Variants in SV2C observed in about 807,000 individuals in gnomAD.
The protein encoded by SV2C is synaptic vesicle glycoprotein 2C, also known as solute carrier family 22 member B3.
Under a neutral mutation model 79.7 loss-of-function variants are expected in SV2C, and 49 were observed. The observed-to-expected ratio is 0.61, with a 90% confidence interval of 0.49 to 0.78. The LOEUF (loss-of-function observed/expected upper bound fraction) is 0.78. Ranked by LOEUF, SV2C falls within the 30% of genes least tolerant of loss-of-function variation. The pLI is 0.00. For missense variants in SV2C, 833 were observed against 912.9 expected (o/e 0.91, Z 1.13); for synonymous variants, 334 against 333.2 (o/e 1.00, Z -0.03).
At chr5:76,225,874 TG>T (rs1328412010) in intron 4 of SV2C, among the ~76,000 whole-genome samples, 1 of 152,214 alleles carries the variant, frequency 6.6e-6, no homozygotes, top group Non-Finnish European at 1.5e-5. Context: ...CACTACATTT[TG>T]GGTTTGGCAA....
the SV2C span, among the ~76,000 whole-genome samples, chr5:75,919,598 T>C: frequency 6.6e-6 from 1 of 152,208 alleles, no homozygotes; most frequent in Non-Finnish European, 1.5e-5. Flanking sequence ...AATCCTAAAT[T>C]ATTTTATCAT....
the SV2C span, among the ~76,000 whole-genome samples, chr5:76,050,867 T>C: frequency 5.9e-5 from 9 of 152,208 alleles, no homozygotes; most frequent in African/African-American, 2.2e-4. Context: ...CAAATATAGA[T>C]AAGTTACTTT....
chr5:76,015,305 T>TGAACAAAAAATAAAGCC, the SV2C span, among the ~76,000 whole-genome samples: 18 of 122,514 alleles, frequency 1.5e-4, no homozygotes, highest in African/African-American at 4.2e-4. Context: ...ACATGTAGCA[T>TGAACAAAAAATAAAGCC]GAACAAAAAA....
the SV2C span, among the ~76,000 whole-genome samples, chr5:75,882,429 C>T: frequency 6.6e-6 from 1 of 150,680 alleles, no homozygotes; most frequent in African/African-American, 2.5e-5. Flanking sequence ...CAAAAAAGAG[C>T]CTGCATCGCC....
At chr5:75,877,940 G>GAAA in the SV2C span, among the ~76,000 whole-genome samples, 31 of 121,414 alleles carry the variant, frequency 2.6e-4, no homozygotes, top group South Asian at 2.8e-3. Flanking sequence ...GGGAGTGATA[G>GAAA]AAAAAAAAAA....
At chr5:76,053,128 G>A in the SV2C span, among the ~76,000 whole-genome samples, 1 of 146,450 alleles carries the variant, frequency 6.8e-6, no homozygotes, top group Non-Finnish European at 1.5e-5. Context: ...AAAAAAAAGA[G>A]TAGAATACTC....
At chr5:76,168,682 T>A (rs1223982776) in intron 2 of SV2C, among the ~76,000 whole-genome samples, 1 of 152,186 alleles carries the variant, frequency 6.6e-6, no homozygotes, top group Non-Finnish European at 1.5e-5. Flanking sequence ...AGCCCTTACT[T>A]CTCTCTTAAA....
At chr5:75,944,284 C>T in the SV2C span, among the ~76,000 whole-genome samples, 5 of 152,178 alleles carry the variant, frequency 3.3e-5, no homozygotes, top group Admixed American at 6.5e-5. Flanking sequence ...ATGAATGTAG[C>T]ATAACTTACC....
At chr5:76,245,026 A>G (rs1015757470) in intron 4 of SV2C, among the ~76,000 whole-genome samples, 1 of 152,242 alleles carries the variant, frequency 6.6e-6, no homozygotes, top group Non-Finnish European at 1.5e-5. Context: ...TTTATATGTC[A>G]GCTTTTCTAG....
the SV2C span, among the ~76,000 whole-genome samples, chr5:75,924,819 C>T: frequency 7.3e-5 from 11 of 151,224 alleles, 1 homozygote; most frequent in African/African-American, 2.4e-4. Flanking sequence ...TAGGAAAAAT[C>T]GAACAGACTA....
At chr5:76,148,418 G>A (rs891921695) in intron 2 of SV2C, among the ~76,000 whole-genome samples, 7 of 152,112 alleles carry the variant, frequency 4.6e-5, no homozygotes, top group Non-Finnish European at 8.8e-5. Context: ...GTCACTGGCC[G>A]TGACTATTCT....
At chr5:76,009,721 T>C in the SV2C span, among the ~76,000 whole-genome samples, 1 of 152,000 alleles carries the variant, frequency 6.6e-6, no homozygotes, top group Non-Finnish European at 1.5e-5. Flanking sequence ...CACATGGACA[T>C]AATGTGGCAA....
intron 4 of SV2C, among the ~76,000 whole-genome samples, chr5:76,277,492 G>A (rs1747057808): frequency 6.6e-6 from 1 of 152,366 alleles, no homozygotes; most frequent in East Asian, 1.9e-4. Flanking sequence ...ACCAGACCAA[G>A]GCTGGGCACA....
intron 4 of SV2C, among the ~76,000 whole-genome samples, chr5:76,260,826 T>C (rs1046901967): frequency 1.1e-4 from 17 of 151,144 alleles, no homozygotes; most frequent in African/African-American, 2.5e-5. Flanking sequence ...ACCAGTACCA[T>C]GCTATCTTGG....
chr5:75,999,796 A>G, the SV2C span, among the ~76,000 whole-genome samples: 9 of 152,212 alleles, frequency 5.9e-5, no homozygotes, highest in African/African-American at 1.9e-4. Context: ...GCACTGGCAG[A>G]TTTGGTGTCT....
intron 12 of SV2C, among the ~76,000 whole-genome samples, chr5:76,302,834 A>C (rs1368513455): frequency 6.6e-6 from 1 of 151,936 alleles, no homozygotes; most frequent in African/African-American, 2.4e-5. Context: ...GTTGCCATAG[A>C]AGTCCTCTGT....
chr5:76,227,094 AGG>A (rs1745273412), intron 4 of SV2C, among the ~76,000 whole-genome samples: 1 of 152,226 alleles, frequency 6.6e-6, no homozygotes, highest in Admixed American at 6.5e-5. Flanking sequence ...TCTGATTGGC[AGG>A]CGATGACACC....
the SV2C span, among the ~76,000 whole-genome samples, chr5:76,037,907 A>T: frequency 6.6e-6 from 1 of 152,234 alleles, no homozygotes; most frequent in Non-Finnish European, 1.5e-5. Context: ...CCGTGGGCAT[A>T]GGACCCTCCA....
At chr5:75,859,909 G>A in the SV2C span, among the ~76,000 whole-genome samples, 5 of 151,834 alleles carry the variant, frequency 3.3e-5, no homozygotes, top group African/African-American at 9.7e-5. Context: ...CCCTTCCTAC[G>A]CCTCCCATTT....
Sources: gnomAD v4.1 joint callset for allele counts (sites outside exome capture counted in the v4.1 genomes callset) on GRCh38, gnomAD v4.1.1 for gene constraint, MANE v1.5 for transcripts, NCBI Gene and HGNC (gene_info 2026-07-23, HGNC 2026-07-21) for gene names.